The following NUFIP1 variants were observed in gnomAD, a reference collection of about 807,000 sequenced individuals.
NUFIP1 encodes the protein nuclear FMR1 interacting protein 1, also known as FMR1-interacting protein NUFIP1.
In NUFIP1, 38 loss-of-function variants were observed where a neutral mutation model predicts 56.2. The ratio of observed to expected loss-of-function variants is 0.68; its 90% CI spans 0.52 to 0.89. NUFIP1 has a LOEUF of 0.89. NUFIP1 is among the 40% of genes least tolerant of loss of function. NUFIP1 has a pLI of 0.00. For synonymous variants in NUFIP1, 215 were observed against 212.4 expected (o/e 1.01, Z -0.10); for missense variants, 567 against 605.8 (o/e 0.94, Z 0.67).
intron 1 of NUFIP1, among the ~76,000 whole-genome samples, chr13:44,988,508 A>C (rs1296727593): frequency 3.9e-5 from 6 of 152,210 alleles, no homozygotes; most frequent in African/African-American, 7.2e-5. Context: ...TCTTTGTTTT[A>C]TCTCTCTCCA....
At position 44,943,457 on chromosome 13, in the gene NUFIP1, T is replaced by C. The variant is rs116704915; in HGVS notation, c.1356A>G (p.Pro452=). The part of the protein sequence containing the change: ...QTLFEPRTHH[P]YLLEMLLAPD... ...AATAATTTACCATTTCCAAGAGATATGGATGGTGTGTTCTTGGTTCGAATA... is the reference window on the plus strand; with the variant it reads ...AATAATTTACCATTTCCAAGAGATACGGATGGTGTGTTCTTGGTTCGAATA... The change falls in exon 9 of 10, where the codon CCA becomes CCG. Residue 452 remains proline (P), a synonymous_variant. Transcript: ENST00000379161. 2 of 1,613,462 alleles carry C rather than the reference T, an allele frequency of 1.2e-6. No homozygotes were observed. The highest frequency in any genetic ancestry group is 2.2e-5 in the East Asian group (1 of 44,868).
intron 5 of NUFIP1, among the ~76,000 whole-genome samples, chr13:44,974,927 G>A (rs1314584641): frequency 6.6e-6 from 1 of 152,200 alleles, no homozygotes; most frequent in Non-Finnish European, 1.5e-5. Flanking sequence ...AAGGAGAAAG[G>A]CCAAGGAGTA....
intron 8 of NUFIP1, among the ~76,000 whole-genome samples, chr13:44,947,193 A>G (rs938439363): frequency 1.4e-5 from 2 of 145,998 alleles, no homozygotes; most frequent in African/African-American, 5.1e-5. Context: ...CTCCAAACCT[A>G]TATGTCAGGT....
In NUFIP1 at chr13:44,989,162, G is replaced by A. The variant is rs779067174; in HGVS notation, c.275C>T (p.Pro92Leu). 4 of 1,613,748 alleles carry A rather than the reference G, an allele frequency of 2.5e-6. No homozygotes were observed. The highest frequency in any genetic ancestry group is 3.4e-6 in the Non-Finnish European group (4 of 1,179,834). The change falls in exon 1 of 10, where the codon CCC becomes CTC. Residue 92 changes from proline to leucine, a missense_variant. Transcript: ENST00000379161. ...DAQILPGAQP[P>L]FDAQSPLDSQ... ...ATCAAGGGGAGACTGGGCGTCGAAG[G>A]GGGGTTGCGCCCCGGGAAGAATCTG... is the stretch of plus-strand genomic sequence containing the variant.
At chr13:44,975,903 T>C (rs528197698) in intron 5 of NUFIP1, among the ~76,000 whole-genome samples, 1 of 152,360 alleles carries the variant, frequency 6.6e-6, no homozygotes, top group South Asian at 2.1e-4. Context: ...AGAACCGAAG[T>C]TGGCAAATCA....
chr13:44,986,018 C>A (rs1441418363), intron 1 of NUFIP1, among the ~76,000 whole-genome samples: 2 of 152,192 alleles, frequency 1.3e-5, no homozygotes, highest in African/African-American at 2.4e-5. Context: ...TATAAAGGTG[C>A]AGTCATAGCT....
intron 6 of NUFIP1, among the ~76,000 whole-genome samples, chr13:44,962,432 C>T (rs1319554938): frequency 6.6e-6 from 1 of 152,200 alleles, no homozygotes; most frequent in African/African-American, 2.4e-5. Context: ...ACCACACTAT[C>T]TTCATTACTC....
At chr13:44,976,070 T>G (rs1020101743) in intron 5 of NUFIP1, among the ~76,000 whole-genome samples, 1 of 152,214 alleles carries the variant, frequency 6.6e-6, no homozygotes, top group Non-Finnish European at 1.5e-5. Flanking sequence ...TAAAAGGGAC[T>G]GACACCAATA....
chr13:44,968,745 T>C (rs1566061571), intron 5 of NUFIP1, among the ~76,000 whole-genome samples: 1 of 152,234 alleles, frequency 6.6e-6, no homozygotes, highest in Non-Finnish European at 1.5e-5. Context: ...TGCAGACTCT[T>C]ACCATGTTGG....
intron 7 of NUFIP1, among the ~76,000 whole-genome samples, chr13:44,950,114 C>T (rs1396563425): frequency 2.0e-5 from 3 of 152,182 alleles, no homozygotes; most frequent in African/African-American, 7.2e-5. Context: ...TCTGAGCATA[C>T]TCTAAATTAA....
chr13:44,965,710 A>T, intron 6 of NUFIP1, 134 bp downstream of exon 6: 1 of 351,942 alleles, frequency 2.8e-6, no homozygotes, highest in Non-Finnish European at 4.9e-6. Flanking sequence ...ATAAATAAAT[A>T]AAAATAAAAA....
chr13:44,943,422 C>G lies in NUFIP1; in HGVS notation c.1371+20G>C, dbSNP rs926217462. Reference sequence around the variant, plus strand: ...TGATGTGAGAACACAAAGATTAGAACCTAAAGAAAAATAATTTACCATTTC... The same window carrying G: ...TGATGTGAGAACACAAAGATTAGAAGCTAAAGAAAAATAATTTACCATTTC... On this transcript the variant is annotated intron_variant, in intron 9 of 9. Transcript: ENST00000379161. 5.6e-6 allele frequency: 9 copies of G among 1,598,432 alleles called. No individual in the cohort carries two copies. The highest frequency in any genetic ancestry group is 7.7e-6 in the Non-Finnish European group (9 of 1,167,132).
At chr13:44,951,179 T>G (rs1291475116) in intron 7 of NUFIP1, among the ~76,000 whole-genome samples, 1 of 152,228 alleles carries the variant, frequency 6.6e-6, no homozygotes, top group African/African-American at 2.4e-5. Flanking sequence ...TGTGAATTAC[T>G]AGTAGATTAA....
chr13:44,967,927 C>G (rs1335769843), intron 5 of NUFIP1, among the ~76,000 whole-genome samples: 1 of 150,120 alleles, frequency 6.7e-6, no homozygotes, highest in Admixed American at 6.7e-5. Context: ...TGTGTTCTGC[C>G]ATTGCTTCTA....
intron 1 of NUFIP1, among the ~76,000 whole-genome samples, chr13:44,984,815 C>T (rs929020846): frequency 1.3e-5 from 2 of 151,986 alleles, no homozygotes; most frequent in Non-Finnish European, 2.9e-5. Context: ...CCCATTAACT[C>T]GTCATTTAGC....
chr13:44,977,430 G>T (rs1872019229), intron 5 of NUFIP1, among the ~76,000 whole-genome samples: 1 of 152,078 alleles, frequency 6.6e-6, no homozygotes, highest in East Asian at 1.9e-4. Flanking sequence ...TAGTTCAGCT[G>T]GTATTTTTTC....
chr13:44,950,321 G>T (rs1164046459), intron 7 of NUFIP1, among the ~76,000 whole-genome samples: 2 of 152,184 alleles, frequency 1.3e-5, no homozygotes, highest in Non-Finnish European at 2.9e-5. Flanking sequence ...TATAGGCTTA[G>T]TCAAACAGTA....
At chr13:44,942,651 A>G (rs1050143303) in intron 9 of NUFIP1, among the ~76,000 whole-genome samples, 5 of 152,194 alleles carry the variant, frequency 3.3e-5, no homozygotes, top group African/African-American at 1.2e-4. Context: ...TAGACATGAA[A>G]ATCTTTGATT....
chr13:44,978,757 G>A (rs186181964), intron 5 of NUFIP1, among the ~76,000 whole-genome samples: 3 of 152,276 alleles, frequency 2.0e-5, no homozygotes, highest in African/African-American at 7.2e-5. Context: ...GATCAAGAAA[G>A]ATACTTCAAA....
Sources: allele counts gnomAD v4.1 joint callset (sites outside exome capture counted in the v4.1 genomes callset), GRCh38; gene constraint gnomAD v4.1.1; transcripts MANE v1.5; gene names NCBI Gene and HGNC (gene_info 2026-07-23, HGNC 2026-07-21).